PACSIN1: variants seen among roughly 807,000 people sequenced by gnomAD.
The protein encoded by PACSIN1 is protein kinase C and casein kinase substrate in neurons 1.
A neutral mutation model predicts 59.5 loss-of-function variants in PACSIN1; 15 were observed. The observed-to-expected ratio is 0.25, with a 90% CI of 0.17 to 0.39. PACSIN1 has a LOEUF of 0.39. PACSIN1 is among the 10% of genes least tolerant of loss of function. The pLI is 1.00. For missense variants in PACSIN1, 420 were observed against 580.2 expected (o/e 0.72, Z 2.84); for synonymous variants, 210 against 220.6 (o/e 0.95, Z 0.42).
Position 34,470,065 on chromosome 6 carries a change from G to A in PACSIN1, c.-64+3795G>A, listed in dbSNP as rs1296174285. Among the ~76,000 whole-genome samples the A allele has an allele frequency of 2.0e-5, 3 of 152,290 alleles. No individual in the cohort carries two copies. The East Asian group carries it at 5.8e-4, about 29-fold the overall frequency. On this transcript the variant is annotated intron_variant, in intron 1 of 9. Coordinates refer to ENST00000244458, the MANE Select transcript of PACSIN1 (RefSeq NM_020804.5). Reference sequence around the variant, plus strand: ...AGGGGAGGGCTGGGCTGGAGACTGGGGTCGGGGGCTCCCCTCCACCCTCCC... The same window carrying A: ...AGGGGAGGGCTGGGCTGGAGACTGGAGTCGGGGGCTCCCCTCCACCCTCCC...
At chr6:34,475,197 G>A (rs1766621487) in intron 1 of PACSIN1, among the ~76,000 whole-genome samples, 1 of 152,130 alleles carries the variant, frequency 6.6e-6, no homozygotes, top group Admixed American at 6.5e-5. Context: ...GTTTGGGTGG[G>A]GGCAGAGCAG....
Position 34,529,650 on chromosome 6 carries a change from A to C in PACSIN1, c.613-16A>C, listed in dbSNP as rs1271895412. The C allele has an allele frequency of 3.1e-6, 5 of 1,613,240 alleles. No individual in the cohort carries two copies. Among genetic ancestry groups the C allele is most frequent in the Non-Finnish European group, 4.2e-6 (5 of 1,179,532 alleles). The stretch of plus-strand genomic sequence containing the variant: ...CCTGGCTAGGTGTCACCCTCTCTCC[A>C]CTCTGGTGCCCACAGACACAGGAGA... On this transcript the variant is annotated splice_polypyrimidine_tract_variant and intron_variant, in intron 5 of 9. Transcript: ENST00000244458. The surrounding 1 kb of genome is among the most constrained non-coding windows in gnomAD (Gnocchi z 6.3).
chr6:34,532,491 G>T lies in PACSIN1; in HGVS notation c.1296G>T (p.Gln432His). The stretch of plus-strand genomic sequence containing the variant: ...GCCGTGGGCGGCTGGACAGCGGGCA[G>T]CTGGGCCTCTACCCTGCCAACTACG... ...GWCRGRLDSG[Q>H]LGLYPANYVE... Residue 432 changes from glutamine to histidine, a missense_variant, in exon 10 of 10, where the codon CAG becomes CAT. Gln to His is a conservative substitution (Grantham distance 24, BLOSUM62 0). Coordinates refer to ENST00000244458, the MANE Select transcript of PACSIN1 (RefSeq NM_020804.5). The surrounding 1 kb of genome is among the most constrained non-coding windows in gnomAD (Gnocchi z 5.2). 1 of 1,567,134 alleles carries T rather than the reference G, an allele frequency of 6.4e-7. No homozygotes were observed. Among genetic ancestry groups the T allele is most frequent in the South Asian group, 1.2e-5 (1 of 85,098 alleles).
intron 1 of PACSIN1, among the ~76,000 whole-genome samples, chr6:34,513,286 T>A (rs762615835): frequency 6.0e-4 from 92 of 152,338 alleles, no homozygotes; most frequent in Middle Eastern, 3.4e-3. Context: ...AAGTGATGAA[T>A]ACGGAAGAGC....
rs1239702743 is a variant in PACSIN1 at position 34,518,744 on chromosome 6, C to A, written c.-63-7499C>A. Among the ~76,000 whole-genome samples the A allele has an allele frequency of 6.6e-6, 1 of 152,242 alleles. No individual in the cohort carries two copies. Among genetic ancestry groups the A allele is most frequent in the Non-Finnish European group, 1.5e-5 (1 of 68,044 alleles). On this transcript the variant is annotated intron_variant, in intron 1 of 9. Coordinates refer to ENST00000244458, the MANE Select transcript of PACSIN1 (RefSeq NM_020804.5). This position sits in a 1 kb window ranked among gnomAD's most constrained non-coding sequence, Gnocchi z 4.4. ...TCCAGTGGCTCTCCACCACCCTTTG[C>A]CCTGTCCCTCACGCTGGCTGAATTT... is the stretch of plus-strand genomic sequence containing the variant.
intron 1 of PACSIN1, among the ~76,000 whole-genome samples, chr6:34,483,235 G>A (rs1423371176): frequency 6.6e-6 from 1 of 151,808 alleles, no homozygotes. Flanking sequence ...TGAACTCCTG[G>A]GCTCAAGTGA....
intron 1 of PACSIN1, among the ~76,000 whole-genome samples, chr6:34,479,001 A>G (rs1378398259): frequency 6.6e-6 from 1 of 152,114 alleles, no homozygotes; most frequent in Non-Finnish European, 1.5e-5. Flanking sequence ...GACAGACGAG[A>G]GGCTGGGCTC....
Position 34,526,250 on chromosome 6 carries a change from G to A in PACSIN1, c.-56G>A. 2.1e-6 allele frequency: 3 copies of A among 1,461,230 alleles called. No individual in the cohort carries two copies. The highest frequency in any genetic ancestry group is 1.9e-6 in the Non-Finnish European group (2 of 1,047,724). 90.5% of individuals were successfully genotyped at this position (1,461,230 alleles called of 1,614,324 possible). A position where few individuals can be genotyped will look rare whatever the true frequency, so the allele number is the denominator to read the frequency against. Reference sequence around the variant, plus strand: ...TCTCTCCTGCCCTCCCAGTGCATGAGCAGCCGAGCCTGCTAACCGCAGCTC... The same window carrying A: ...TCTCTCCTGCCCTCCCAGTGCATGAACAGCCGAGCCTGCTAACCGCAGCTC... On this transcript the variant is annotated 5_prime_UTR_variant, in exon 2 of 10. Transcript: ENST00000244458.
intron 1 of PACSIN1, among the ~76,000 whole-genome samples, chr6:34,481,465 G>A (rs1220801743): frequency 1.3e-5 from 2 of 152,056 alleles, no homozygotes; most frequent in Non-Finnish European, 2.9e-5. Context: ...GGAGGATCAC[G>A]AGGTCAGGAG....
At chr6:34,527,872 C>A (rs764604560) in intron 3 of PACSIN1, among the ~76,000 whole-genome samples, 1 of 152,060 alleles carries the variant, frequency 6.6e-6, no homozygotes, top group Non-Finnish European at 1.5e-5. Flanking sequence ...CCCTGTTTAC[C>A]CCTAAATTCT....
In PACSIN1 at chr6:34,499,085, C is replaced by T. The variant is rs1197480055; in HGVS notation, c.-63-27158C>T. Among the ~76,000 whole-genome samples, 6 of 151,916 alleles carry T rather than the reference C, an allele frequency of 3.9e-5. No individual in the cohort carries two copies. The South Asian group carries it at 1.3e-3, about 32-fold the overall frequency. On this transcript the variant is annotated intron_variant, in intron 1 of 9. Transcript: ENST00000244458. Reference sequence around the variant, plus strand: ...ATAATGAAATAATTATACAACTGGCCATAATATAGAATCAGTGGGAGCCCA... The same window carrying T: ...ATAATGAAATAATTATACAACTGGCTATAATATAGAATCAGTGGGAGCCCA...
intron 1 of PACSIN1, among the ~76,000 whole-genome samples, chr6:34,517,181 C>G (rs1767307216): frequency 2.0e-5 from 3 of 152,196 alleles, no homozygotes; most frequent in Admixed American, 1.3e-4. Flanking sequence ...CCGCCACATC[C>G]AAACCATCGG....
intron 1 of PACSIN1, among the ~76,000 whole-genome samples, chr6:34,504,286 ATATATTTTT>A (rs1455563273): frequency 5.9e-4 from 51 of 85,914 alleles, no homozygotes; most frequent in African/African-American, 2.4e-3. Context: ...ATATATATAT[ATATATTTTT>A]TTTTTTTTTT....
chr6:34,510,175 G>A (rs926561338), intron 1 of PACSIN1, among the ~76,000 whole-genome samples: 9 of 152,228 alleles, frequency 5.9e-5, no homozygotes, highest in African/African-American at 1.2e-4. Flanking sequence ...TTGGACGTGC[G>A]TTTTCACGGC....
Position 34,525,374 on chromosome 6 carries a change from G to A in PACSIN1, c.-63-869G>A, listed in dbSNP as rs1461838883. On this transcript the variant is annotated intron_variant, in intron 1 of 9. Coordinates refer to ENST00000244458, the MANE Select transcript of PACSIN1 (RefSeq NM_020804.5). This position sits in a 1 kb window ranked among gnomAD's most constrained non-coding sequence, Gnocchi z 4.9. ...TTACGTGTTATTGCCCCTGCCCTGA[G>A]CCTGAGAGCCAACTGCTGGACCCCC... 6.6e-6 allele frequency among the ~76,000 whole-genome samples: 1 copy of A among 152,250 alleles called. No individual in the cohort carries two copies. The highest frequency in any genetic ancestry group is 6.5e-5 in the Admixed American group (1 of 15,288).
At chr6:34,473,231 C>T (rs1318504670) in intron 1 of PACSIN1, among the ~76,000 whole-genome samples, 5 of 79,194 alleles carry the variant, frequency 6.3e-5, no homozygotes, top group African/African-American at 1.6e-4. Context: ...GGGCGGGGGG[C>T]GGGGGGGTAC....
At position 34,532,500 on chromosome 6, in the gene PACSIN1, C is replaced by T. The variant is rs530467979; in HGVS notation, c.1305C>T (p.Leu435=). 2 of 1,562,006 alleles carry T rather than the reference C, an allele frequency of 1.3e-6. No homozygotes were observed. The highest frequency in any genetic ancestry group is 8.7e-7 in the Non-Finnish European group (1 of 1,152,628). The change falls in exon 10 of 10, where the codon CTC becomes CTT. Residue 435 remains leucine (L), a synonymous_variant. Transcript: ENST00000244458. This position sits in a 1 kb window ranked among gnomAD's most constrained non-coding sequence, Gnocchi z 5.2. ...GGCTGGACAGCGGGCAGCTGGGCCT[C>T]TACCCTGCCAACTACGTGGAGGCTA... ...RGRLDSGQLG[L]YPANYVEAI
chr6:34,504,927 T>G (rs1219964783), intron 1 of PACSIN1, among the ~76,000 whole-genome samples: 3 of 152,102 alleles, frequency 2.0e-5, no homozygotes, highest in African/African-American at 7.2e-5. Context: ...CACTTCTTTC[T>G]GGCTTCTGTG....
intron 1 of PACSIN1, among the ~76,000 whole-genome samples, chr6:34,495,845 G>A (rs553021144): frequency 4.4e-4 from 67 of 152,262 alleles, no homozygotes; most frequent in African/African-American, 8.2e-4. Context: ...CATCTCCCCC[G>A]TTTCTAAAGG....
Sources: gnomAD v4.1 joint callset for allele counts (sites outside exome capture counted in the v4.1 genomes callset) on GRCh38, gnomAD v4.1.1 for gene constraint, Gnocchi (gnomAD v3.1) non-coding constraint, MANE v1.5 for transcripts, NCBI Gene and HGNC (gene_info 2026-07-23, HGNC 2026-07-21) for gene names.